EVC: variants seen among roughly 807,000 people sequenced by gnomAD.
EVC encodes evC complex member EVC.
A neutral mutation model predicts 118.9 loss-of-function variants in EVC; 116 were observed. The ratio of observed to expected loss-of-function variants is 0.98; its 90% CI spans 0.84 to 1.14. EVC has a LOEUF of 1.14. Among genes scored for constraint, EVC ranks in the 50% most tolerant of loss-of-function variants. The pLI is 0.00. For missense variants in EVC, 1,401 were observed against 1,246.4 expected (o/e 1.12, Z -1.87); for synonymous variants, 619 against 534.7 (o/e 1.16, Z -2.18).
At chr4:5,821,677 T>C in the EVC span, 2 of 1,332,784 alleles carry the variant, frequency 1.5e-6, no homozygotes, top group South Asian at 1.3e-5. The surrounding 1 kb of genome is among the most constrained non-coding windows in gnomAD (Gnocchi z 4.4). Context: ...CAACTAAAAC[T>C]GTGGGTTTCA....
chr4:5,770,514 C>G (rs188856683), intron 11 of EVC, among the ~76,000 whole-genome samples: 1 of 152,096 alleles, frequency 6.6e-6, no homozygotes, highest in East Asian at 1.9e-4. Context: ...CAGCTGGGGC[C>G]TAGGAGTCAG....
chr4:5,777,276 T>G (rs938061550), intron 11 of EVC, among the ~76,000 whole-genome samples: 24 of 152,176 alleles, frequency 1.6e-4, no homozygotes, highest in Admixed American at 3.9e-4. Flanking sequence ...ATAACTTGAC[T>G]CCAGGTTACA....
In EVC at chr4:5,796,496, T is replaced by C. The variant is rs76147764; in HGVS notation, c.1887-526T>C. On this transcript the variant is annotated intron_variant, in intron 13 of 20. Transcript: ENST00000264956. ...GGAATTTAGCTGATTCTGAATTAGG[T>C]CTTAGTGGGGAATGACTTTTATTCC... Among the ~76,000 whole-genome samples, 54 of 152,068 alleles carry C rather than the reference T, an allele frequency of 3.6e-4. No individual in the cohort carries two copies. In the East Asian group the frequency reaches 0.01, roughly 29 times the overall value.
At position 5,793,815 on chromosome 4, in the gene EVC, C is replaced by T. The variant is rs1368644097; in HGVS notation, c.1886+98C>T. The stretch of plus-strand genomic sequence containing the variant: ...CTGTACAGTGGGCACGCTGACTGCC[C>T]CTCAGCTTCCTTTGAATGTAAATGA... On this transcript the variant is annotated intron_variant, in intron 13 of 20. Transcript: ENST00000264956. 4.6e-6 allele frequency: 4 copies of T among 877,980 alleles called. No individual in the cohort carries two copies. The African/African-American group carries it at 6.6e-5, about 14-fold the overall frequency. 54.4% of individuals were successfully genotyped at this position (877,980 alleles called of 1,614,324 possible).
At chr4:5,822,835 G>A in the EVC span, among the ~76,000 whole-genome samples, 1,040 of 152,250 alleles carry the variant, frequency 6.8e-3, 8 homozygotes, top group African/African-American at 0.024. Context: ...ACAGAAAAAC[G>A]TAAGTAAGTT....
At position 5,797,222 on chromosome 4, in the gene EVC, T is replaced by TCA. The variant is rs1366496332; in HGVS notation, c.2088_2089dup (p.Arg697ThrfsTer15). ...CTGGACGAGCATCAGTGGCAGCTGC[T>TCA]CAGGGCCCTGGTAAGACCAGCATGG... On this transcript the variant is annotated frameshift_variant, in exon 14 of 21. Coordinates refer to ENST00000264956, the MANE Select transcript of EVC (RefSeq NM_153717.3). LOFTEE classifies it high-confidence loss of function. The TCA allele has an allele frequency of 8.7e-6, 14 of 1,608,818 alleles. No homozygotes were observed. Among genetic ancestry groups the TCA allele is most frequent in the Non-Finnish European group, 9.3e-6 (11 of 1,178,720 alleles).
intron 11 of EVC, among the ~76,000 whole-genome samples, chr4:5,771,718 G>T (rs746822524): frequency 2.0e-5 from 3 of 152,130 alleles, no homozygotes; most frequent in Non-Finnish European, 4.4e-5. Context: ...CCCCGTCGCC[G>T]GGAAGCAGGT....
rs1712382029 is a variant in EVC, at chr4:5,789,615, CAA to C, written c.1777-3991_1777-3990del. ...CCCCATAATACATGAGAGTTTGAAA[CAA>C]AGAGTAAAACTTACTTGAGGCCACA... On this transcript the variant is annotated intron_variant, in intron 12 of 20. Coordinates refer to ENST00000264956, the MANE Select transcript of EVC (RefSeq NM_153717.3). This position sits in a 1 kb window ranked among gnomAD's most constrained non-coding sequence, Gnocchi z 4.3. Among the ~76,000 whole-genome samples the C allele has an allele frequency of 6.6e-6, 1 of 152,120 alleles. No individual in the cohort carries two copies. The highest frequency in any genetic ancestry group is 2.4e-5 in the African/African-American group (1 of 41,414).
At chr4:5,814,451 G>A (rs1265764405), downstream of EVC, 1 of 152,278 alleles carries the variant, frequency 6.6e-6, no homozygotes, top group East Asian at 1.9e-4. Flanking sequence ...CCTGGCCAGG[G>A]CGGTGCTGAT....
At chr4:5,747,535 C>T (rs11730900) in intron 7 of EVC, among the ~76,000 whole-genome samples, 62,566 of 152,020 alleles carry the variant, frequency 0.41, 13,211 homozygotes, top group East Asian at 0.63. Context: ...GGGAAAGTTG[C>T]TCCGATTCCT....
chr4:5,742,612 C>T lies in EVC; in HGVS notation c.801+798C>T, dbSNP rs1188159319. Among the ~76,000 whole-genome samples, 2 of 152,198 alleles carry T rather than the reference C, an allele frequency of 1.3e-5. No homozygotes were observed. Among genetic ancestry groups the T allele is most frequent in the Non-Finnish European group, 1.5e-5 (1 of 68,036 alleles). On this transcript the variant is annotated intron_variant, in intron 6 of 20. Coordinates refer to ENST00000264956, the MANE Select transcript of EVC (RefSeq NM_153717.3). The surrounding 1 kb of genome is among the most constrained non-coding windows in gnomAD (Gnocchi z 5.2). ...TCATCATCCTCATGACCGCTGTCAT[C>T]ACCAACACCATCACCATCCTCATGT...
rs779717543 is a variant in EVC, at chr4:5,783,816, G to A, written c.1776+52G>A. On this transcript the variant is annotated intron_variant, in intron 12 of 20. Transcript: ENST00000264956. Reference sequence around the variant, plus strand: ...TGGGGTCTGCATTTTAGAAACACACGAAGAAGCGTGAGAGATCTCACGTCC... The same window carrying A: ...TGGGGTCTGCATTTTAGAAACACACAAAGAAGCGTGAGAGATCTCACGTCC... 32 of 1,504,802 alleles carry A rather than the reference G, an allele frequency of 2.1e-5. 1 individual carries two copies. Among genetic ancestry groups the A allele is most frequent in the African/African-American group, 1.1e-4 (8 of 72,316 alleles). 93.2% of individuals were successfully genotyped at this position (1,504,802 alleles called of 1,614,324 possible).
At chr4:5,797,410 C>T in intron 14 of EVC, 178 bp downstream of exon 14, 1 of 639,666 alleles carries the variant, frequency 1.6e-6, no homozygotes, top group Non-Finnish European at 2.8e-6. Context: ...TTACACTGCA[C>T]ACATTTCCCT....
chr4:5,761,857 C>A (rs916387610), intron 11 of EVC, among the ~76,000 whole-genome samples: 2 of 151,588 alleles, frequency 1.3e-5, no homozygotes, highest in African/African-American at 4.9e-5. Context: ...CTCTGGGGTC[C>A]CATTGGCCAA....
intron 11 of EVC, among the ~76,000 whole-genome samples, chr4:5,766,800 T>A (rs1288659041): frequency 7.2e-6 from 1 of 139,762 alleles, no homozygotes; most frequent in East Asian, 2.2e-4. Context: ...TAGTTATACA[T>A]TCATCTAAAT....
chr4:5,810,759 G>C (rs1049942262), intron 20 of EVC, among the ~76,000 whole-genome samples, 194 bp from the exon 21 acceptor site: 1 of 152,196 alleles, frequency 6.6e-6, no homozygotes, highest in African/African-American at 2.4e-5. Context: ...GATGGCTGTG[G>C]TCATGGCACT....
rs1488574745 is a variant in EVC, at chr4:5,813,677, G to C, written c.*2640G>C. 2 of 152,092 alleles carry C rather than the reference G, an allele frequency of 1.3e-5. No homozygotes were observed. The highest frequency in any genetic ancestry group is 1.3e-4 in the Admixed American group (2 of 15,272). The allele number at this position is 152,092 out of a possible 1,614,324, so 9.4% of individuals were successfully genotyped here. On this transcript the variant is annotated 3_prime_UTR_variant, in exon 21 of 21. Transcript: ENST00000264956. ...CTGAAAGCATCTGTGGAATGATCACGGGACCCTTCTCCTCTGAGAAGGCTC... is the reference window on the plus strand; with the variant it reads ...CTGAAAGCATCTGTGGAATGATCACCGGACCCTTCTCCTCTGAGAAGGCTC...
chr4:5,733,587 A>T, intron 5 of EVC, 152 bp downstream of exon 5: 1 of 766,068 alleles, frequency 1.3e-6, no homozygotes, highest in East Asian at 2.6e-5. Context: ...GCTGTCAGGC[A>T]TGCAGCCACA....
chr4:5,750,783 A>T (rs1335193265), intron 8 of EVC, among the ~76,000 whole-genome samples: 2 of 152,102 alleles, frequency 1.3e-5, no homozygotes, highest in Non-Finnish European at 2.9e-5. Flanking sequence ...GACAGCAAAA[A>T]ATTACTGTAA....
Sources: allele counts gnomAD v4.1 joint callset (sites outside exome capture counted in the v4.1 genomes callset), GRCh38; gene constraint gnomAD v4.1.1; non-coding constraint Gnocchi (gnomAD v3.1); transcripts MANE v1.5; gene names NCBI Gene and HGNC (gene_info 2026-07-23, HGNC 2026-07-21).